Variants in PTPRT observed in about 807,000 individuals in gnomAD.
PTPRT encodes the protein receptor-type tyrosine-protein phosphatase T.
Under a neutral mutation model 176.8 loss-of-function variants are expected in PTPRT, and 56 were observed. The observed-to-expected ratio is 0.32, with a 90% CI of 0.26 to 0.40. The LOEUF (loss-of-function observed/expected upper bound fraction) is 0.40, where lower values mean the gene tolerates loss of function less well. Ranked by LOEUF, PTPRT falls within the 10% of genes least tolerant of loss-of-function variation. PTPRT has a pLI of 1.00. For missense variants in PTPRT, 1,540 were observed against 1,908.2 expected (o/e 0.81, Z 3.60); for synonymous variants, 783 against 739.0 (o/e 1.06, Z -0.96).
chr20:42,435,719 C>A (rs1371032592), intron 9 of PTPRT, among the ~76,000 whole-genome samples: 1 of 152,192 alleles, frequency 6.6e-6, no homozygotes, highest in African/African-American at 2.4e-5. Context: ...ACATATTGTT[C>A]TATACATTCA....
chr20:42,546,813 A>G (rs954389754), intron 7 of PTPRT, among the ~76,000 whole-genome samples: 1 of 152,210 alleles, frequency 6.6e-6, no homozygotes, highest in Admixed American at 6.5e-5. Flanking sequence ...GTCAGTGGAC[A>G]GTCAGAACAC....
chr20:42,987,987 G>A (rs1458813128), intron 1 of PTPRT, among the ~76,000 whole-genome samples: 12 of 152,146 alleles, frequency 7.9e-5, no homozygotes, highest in African/African-American at 7.2e-5. Context: ...CAGACAGGCC[G>A]AGATGGAAGC....
At chr20:42,272,866 C>G (rs1208974333) in intron 13 of PTPRT, among the ~76,000 whole-genome samples, 2 of 152,202 alleles carry the variant, frequency 1.3e-5, no homozygotes, top group Non-Finnish European at 2.9e-5. Context: ...GTGGCATGCT[C>G]TCTTGCCTTC....
intron 1 of PTPRT, among the ~76,000 whole-genome samples, chr20:43,080,460 C>A (rs2011410041): frequency 6.6e-6 from 1 of 152,190 alleles, no homozygotes; most frequent in South Asian, 2.1e-4. Flanking sequence ...TTATTTTTCT[C>A]TGGGCTTTTG....
At chr20:42,818,131 T>A (rs550932461) in intron 2 of PTPRT, among the ~76,000 whole-genome samples, 1 of 152,232 alleles carries the variant, frequency 6.6e-6, no homozygotes, top group African/African-American at 2.4e-5. Context: ...ATCAGTCTGG[T>A]GCCCCTCGAG....
chr20:42,530,378 T>G (rs1395484100), intron 7 of PTPRT, among the ~76,000 whole-genome samples: 1 of 152,200 alleles, frequency 6.6e-6, no homozygotes, highest in Non-Finnish European at 1.5e-5. Flanking sequence ...GTGGCTCCTA[T>G]CCATAAGGAG....
intron 2 of PTPRT, among the ~76,000 whole-genome samples, chr20:42,856,878 A>G (rs2078572752): frequency 6.6e-6 from 1 of 152,154 alleles, no homozygotes; most frequent in South Asian, 2.1e-4. Context: ...GGGAAAAAGG[A>G]GGAGAAAAAA....
At chr20:42,797,412 T>C (rs962500154) in intron 2 of PTPRT, among the ~76,000 whole-genome samples, 70 of 152,168 alleles carry the variant, frequency 4.6e-4, no homozygotes, top group African/African-American at 1.5e-3. Flanking sequence ...TCGACTTCCA[T>C]TGAGGTCTTC....
At chr20:42,282,155 T>C (rs1475376892) in intron 13 of PTPRT, among the ~76,000 whole-genome samples, 2 of 152,084 alleles carry the variant, frequency 1.3e-5, no homozygotes, top group East Asian at 1.9e-4. Flanking sequence ...CACATAAACA[T>C]AGACCCAAAT....
At chr20:42,933,114 G>A (rs1361922970) in intron 1 of PTPRT, among the ~76,000 whole-genome samples, 3 of 152,104 alleles carry the variant, frequency 2.0e-5, no homozygotes, top group Non-Finnish European at 2.9e-5. Flanking sequence ...TCCCCCATCT[G>A]TCTGGCCTCT....
intron 11 of PTPRT, among the ~76,000 whole-genome samples, chr20:42,350,084 G>T (rs960885720): frequency 7.2e-5 from 11 of 152,140 alleles, no homozygotes; most frequent in African/African-American, 2.2e-4. Context: ...TACTGGCAGT[G>T]ACACAAAGAA....
chr20:42,584,837 T>C (rs1478811785), intron 7 of PTPRT, among the ~76,000 whole-genome samples: 1 of 152,204 alleles, frequency 6.6e-6, no homozygotes, highest in African/African-American at 2.4e-5. Flanking sequence ...GCACACGTTC[T>C]TGGATAGAAA....
intron 2 of PTPRT, among the ~76,000 whole-genome samples, chr20:42,854,222 G>A (rs903675018): frequency 1.3e-5 from 2 of 151,844 alleles, no homozygotes; most frequent in Non-Finnish European, 2.9e-5. Flanking sequence ...TCATTCATTC[G>A]TTCATTTGGC....
chr20:42,674,181 A>G (rs1157798100), intron 7 of PTPRT, among the ~76,000 whole-genome samples: 1 of 152,216 alleles, frequency 6.6e-6, no homozygotes, highest in Non-Finnish European at 1.5e-5. Flanking sequence ...GGCAAAAAAC[A>G]TTCCACCATC....
At chr20:43,045,330 T>A (rs1986788023) in intron 1 of PTPRT, among the ~76,000 whole-genome samples, 1 of 152,148 alleles carries the variant, frequency 6.6e-6, no homozygotes, top group East Asian at 1.9e-4. Context: ...CATGGGCGGA[T>A]CAGATACAAT....
chr20:43,184,414 T>C (rs1384411191), intron 1 of PTPRT, among the ~76,000 whole-genome samples: 1 of 151,968 alleles, frequency 6.6e-6, no homozygotes, highest in Non-Finnish European at 1.5e-5. Flanking sequence ...ATGGGCCGGG[T>C]GCGGTGGCTC....
intron 1 of PTPRT, among the ~76,000 whole-genome samples, chr20:43,061,058 G>C (rs1987436402): frequency 1.3e-5 from 2 of 150,720 alleles, no homozygotes; most frequent in Non-Finnish European, 3.0e-5. Flanking sequence ...GTAAGTAGGA[G>C]GGTGGGTGAG....
intron 1 of PTPRT, among the ~76,000 whole-genome samples, chr20:43,125,138 G>A (rs933812643): frequency 6.6e-5 from 10 of 150,488 alleles, no homozygotes; most frequent in Admixed American, 1.3e-4. Flanking sequence ...TGGGATTACA[G>A]GCATGTGCCG....
In PTPRT at chr20:42,093,044, G is replaced by A. The variant is rs894270298; in HGVS notation, c.3846+5377C>T. 3.9e-5 allele frequency among the ~76,000 whole-genome samples: 6 copies of A among 152,188 alleles called. No individual in the cohort carries two copies. The East Asian group carries it at 1.2e-3, about 29-fold the overall frequency. ...ACCAGGTGCCATAGCACATTCATAG[G>A]TCTCAGGGGTTAGGATGTGGACATC... On this transcript the variant is annotated intron_variant, in intron 27 of 30. Transcript: ENST00000373187.
Sources: allele counts gnomAD v4.1 joint callset (sites outside exome capture counted in the v4.1 genomes callset), GRCh38; gene constraint gnomAD v4.1.1; transcripts MANE v1.5; gene names NCBI Gene and HGNC (gene_info 2026-07-23, HGNC 2026-07-21).